ENTREP2: variants seen among roughly 807,000 people sequenced by gnomAD.
ENTREP2 encodes the protein protein ENTREP2.
the ENTREP2 span, among the ~76,000 whole-genome samples, chr15:29,231,184 G>T: frequency 3.9e-3 from 597 of 152,232 alleles, 2 homozygotes; most frequent in South Asian, 0.014. Flanking sequence ...GAACATTTCT[G>T]CTCAGAGATC....
the ENTREP2 span, among the ~76,000 whole-genome samples, chr15:29,140,410 CTG>C: frequency 6.6e-6 from 1 of 152,182 alleles, no homozygotes; most frequent in Non-Finnish European, 1.5e-5. Flanking sequence ...TTTTCTGTCT[CTG>C]TAATTTGGTC....
the ENTREP2 span, among the ~76,000 whole-genome samples, chr15:29,648,450 T>G: frequency 8.5e-5 from 13 of 152,234 alleles, no homozygotes; most frequent in African/African-American, 3.1e-4. Context: ...ACCCACCATG[T>G]GTCAGTGTTA....
the ENTREP2 span, among the ~76,000 whole-genome samples, chr15:29,425,240 G>C: frequency 1.8e-4 from 27 of 150,210 alleles, no homozygotes; most frequent in Admixed American, 1.5e-3. Context: ...GGGTTTCACT[G>C]TGTTAGCCAG....
At chr15:29,474,702 G>A in the ENTREP2 span, among the ~76,000 whole-genome samples, 1 of 152,110 alleles carries the variant, frequency 6.6e-6, no homozygotes, top group South Asian at 2.1e-4. Context: ...TTATAGACAT[G>A]TACCACCACT....
At chr15:29,578,732 T>C in the ENTREP2 span, among the ~76,000 whole-genome samples, 1 of 152,204 alleles carries the variant, frequency 6.6e-6, no homozygotes, top group Admixed American at 6.5e-5. Context: ...GTTTGCAGTA[T>C]CCTAATGCAC....
chr15:29,148,646 C>T, the ENTREP2 span, among the ~76,000 whole-genome samples: 14 of 152,162 alleles, frequency 9.2e-5, no homozygotes, highest in Non-Finnish European at 1.3e-4. Context: ...TGTCGATCCA[C>T]GGTTGGCTCA....
the ENTREP2 span, among the ~76,000 whole-genome samples, chr15:29,548,235 T>C: frequency 1.0e-3 from 156 of 152,096 alleles, no homozygotes; most frequent in African/African-American, 3.6e-3. Context: ...TGGGCAGATA[T>C]CTTGGGTCCA....
At chr15:29,674,468 C>T in the ENTREP2 span, among the ~76,000 whole-genome samples, 1 of 152,056 alleles carries the variant, frequency 6.6e-6, no homozygotes, top group African/African-American at 2.4e-5. Flanking sequence ...CGGGGTTTCA[C>T]CATGTTGGCC....
the ENTREP2 span, chr15:29,118,352 GTGCCCGCCTGTC>G: frequency 6.6e-6 from 1 of 152,370 alleles, no homozygotes; most frequent in Admixed American, 6.5e-5. Context: ...TCAGCGGCGG[GTGCCCGCCTGTC>G]CTTTCATTCA....
At chr15:29,469,076 C>G in the ENTREP2 span, among the ~76,000 whole-genome samples, 1 of 152,172 alleles carries the variant, frequency 6.6e-6, no homozygotes, top group African/African-American at 2.4e-5. Context: ...CGATAGCCCC[C>G]TTCCAGAAAT....
the ENTREP2 span, among the ~76,000 whole-genome samples, chr15:29,329,840 A>G: frequency 6.6e-6 from 1 of 152,264 alleles, no homozygotes. Context: ...ATTTCTATAA[A>G]TACATGATTG....
the ENTREP2 span, among the ~76,000 whole-genome samples, chr15:29,485,219 GTAAAA>G: frequency 3.3e-5 from 5 of 152,118 alleles, no homozygotes; most frequent in Non-Finnish European, 7.4e-5. Flanking sequence ...GGAGAGAAAG[GTAAAA>G]TAAAAGCAGG....
the ENTREP2 span, chr15:29,381,838 G>T: frequency 2.6e-6 from 4 of 1,551,586 alleles, no homozygotes; most frequent in Non-Finnish European, 2.6e-6. Flanking sequence ...GCACCTGGAA[G>T]GACAAAAGAT....
At chr15:29,402,314 GTGTGTATA>G in the ENTREP2 span, among the ~76,000 whole-genome samples, 7 of 140,936 alleles carry the variant, frequency 5.0e-5, no homozygotes, top group Non-Finnish European at 9.1e-5. Flanking sequence ...GTGTGTGTGT[GTGTGTATA>G]TATGTATATT....
the ENTREP2 span, among the ~76,000 whole-genome samples, chr15:29,595,160 G>A: frequency 2.6e-5 from 4 of 151,914 alleles, no homozygotes; most frequent in African/African-American, 9.7e-5. Context: ...AACTGAGGCA[G>A]GAGAATCTCT....
the ENTREP2 span, among the ~76,000 whole-genome samples, chr15:29,579,685 A>C: frequency 4.3e-5 from 4 of 93,000 alleles, no homozygotes; most frequent in Non-Finnish European, 7.8e-5. Context: ...ACACCCAGCT[A>C]ATTTTTTTTT....
At chr15:29,519,413 C>T in the ENTREP2 span, among the ~76,000 whole-genome samples, 1 of 151,922 alleles carries the variant, frequency 6.6e-6, no homozygotes, top group Non-Finnish European at 1.5e-5. Context: ...GATAGCAAGA[C>T]CAAGCCCTCC....
chr15:29,403,585 G>C, the ENTREP2 span, among the ~76,000 whole-genome samples: 113,512 of 152,154 alleles, frequency 0.75, 43,334 homozygotes, highest in African/African-American at 0.91. Flanking sequence ...AGGAACTGAA[G>C]CTGTCTGGTA....
the ENTREP2 span, among the ~76,000 whole-genome samples, chr15:29,445,458 A>G: frequency 6.6e-6 from 1 of 152,072 alleles, no homozygotes. Context: ...AGGTTGAGTT[A>G]ATCACCCAAC....
Sources: gnomAD v4.1 joint callset for allele counts (sites outside exome capture counted in the v4.1 genomes callset) on GRCh38, gnomAD v4.1.1 for gene constraint, MANE v1.5 for transcripts, NCBI Gene and HGNC (gene_info 2026-07-23, HGNC 2026-07-21) for gene names.